The following FLT1 variants were observed in gnomAD, a reference collection of about 807,000 sequenced individuals.
The protein encoded by FLT1 is vascular endothelial growth factor receptor 1.
Under a neutral mutation model 156.3 loss-of-function variants are expected in FLT1, and 49 were observed. The observed-to-expected ratio is 0.31, with a 90% CI of 0.25 to 0.40. The LOEUF is 0.40. Among genes scored for constraint, FLT1 ranks in the 10% least tolerant of loss-of-function variants. The pLI is 1.00. For synonymous variants in FLT1, 594 were observed against 583.8 expected (o/e 1.02, Z -0.25); for missense variants, 1,322 against 1,637.2 (o/e 0.81, Z 3.32).
intron 16 of FLT1, among the ~76,000 whole-genome samples, chr13:28,340,677 C>G (rs996980085): frequency 6.6e-6 from 1 of 152,204 alleles, no homozygotes; most frequent in Non-Finnish European, 1.5e-5. Flanking sequence ...CCATTTGACA[C>G]CCACTCGCAT....
intron 3 of FLT1, among the ~76,000 whole-genome samples, chr13:28,452,478 G>A (rs1879003046): frequency 6.6e-6 from 1 of 152,172 alleles, no homozygotes; most frequent in South Asian, 2.1e-4. Flanking sequence ...GCAGAGGAAA[G>A]GTCCTGAGGC....
chr13:28,303,382 G>T lies in FLT1; in HGVS notation c.3816-14C>A. 2 of 1,611,026 alleles carry T rather than the reference G, an allele frequency of 1.2e-6. No individual in the cohort carries two copies. ...GTTACTCTCAAGCTAAAGAAAGAAAGGAAAGAAATCAAATATTCAAAATTG... is the reference window on the plus strand; with the variant it reads ...GTTACTCTCAAGCTAAAGAAAGAAATGAAAGAAATCAAATATTCAAAATTG... On this transcript the variant is annotated splice_polypyrimidine_tract_variant and intron_variant, in intron 29 of 29. Coordinates refer to ENST00000282397, the MANE Select transcript of FLT1 (RefSeq NM_002019.4).
chr13:28,422,679 C>T lies in FLT1; in HGVS notation c.1436+4480G>A, dbSNP rs147235281. Among the ~76,000 whole-genome samples the T allele has an allele frequency of 6.7e-3, 1,023 of 152,298 alleles. 10 individuals are homozygous for T. The highest frequency in any genetic ancestry group is 0.024 in the African/African-American group (981 of 41,562). Reference sequence around the variant, plus strand: ...GATCAGCAGAAGCCCCCCACCATCCCGTTTGTGGGGAACAGATGAGCGCAA... The same window carrying T: ...GATCAGCAGAAGCCCCCCACCATCCTGTTTGTGGGGAACAGATGAGCGCAA... On this transcript the variant is annotated intron_variant, in intron 10 of 29. Transcript: ENST00000282397.
At chr13:28,419,834 G>A (rs1392719493) in intron 10 of FLT1, among the ~76,000 whole-genome samples, 3 of 152,176 alleles carry the variant, frequency 2.0e-5, no homozygotes, top group East Asian at 1.9e-4. Flanking sequence ...AGCCGAGATC[G>A]TGCCACTGCA....
chr13:28,357,868 C>CTTTTTT lies in FLT1; in HGVS notation c.2117-189_2117-184dup, dbSNP rs57304530. ...CCAGGCTTTCTTTTTCTTTTCTTTC[C>CTTTTTT]TTTTTTTTTTTTTTTTTTTTTCTGC... On this transcript the variant is annotated intron_variant, in intron 14 of 29. Coordinates refer to ENST00000282397, the MANE Select transcript of FLT1 (RefSeq NM_002019.4). Among the ~76,000 whole-genome samples the CTTTTTT allele has an allele frequency of 9.7e-4, 102 of 104,720 alleles. 4 individuals are homozygous for CTTTTTT. Among genetic ancestry groups the CTTTTTT allele is most frequent in the African/African-American group, 3.0e-3 (80 of 26,966 alleles). The allele number at this position is 104,720 out of a possible 152,430, so 68.7% of individuals were successfully genotyped here.
Position 28,323,374 on chromosome 13 carries a change from G to A in FLT1, c.2797-428C>T, listed in dbSNP as rs560246907. ...CAGCTAATAAATAGCAAAGCTGGCC[G>A]GGCACAGTGGCTCACGCCTGTAATC... On this transcript the variant is annotated intron_variant, in intron 20 of 29. Coordinates refer to ENST00000282397, the MANE Select transcript of FLT1 (RefSeq NM_002019.4). 1.4e-4 allele frequency among the ~76,000 whole-genome samples: 22 copies of A among 152,248 alleles called. No homozygotes were observed. In the South Asian group the frequency reaches 2.7e-3, roughly 19 times the overall value.
Position 28,301,985 on chromosome 13 carries a change from C to A in FLT1, c.*1182G>T, listed in dbSNP as rs61763577. ...TCAGATTAGTGTGAGATAGTGGAAT[C>A]CCCATTAAATGAAAAGGAAACGTGA... On this transcript the variant is annotated 3_prime_UTR_variant, in exon 30 of 30. Transcript: ENST00000282397. The A allele has an allele frequency of 8.7e-3, 2,033 of 233,674 alleles. 43 individuals carry two copies. The highest frequency in any genetic ancestry group is 0.041 in the African/African-American group (1,884 of 45,470). 14.5% of individuals were successfully genotyped at this position (233,674 alleles called of 1,614,324 possible).
intron 15 of FLT1, among the ~76,000 whole-genome samples, chr13:28,353,502 G>A (rs901593219): frequency 6.6e-5 from 10 of 151,438 alleles, no homozygotes; most frequent in African/African-American, 2.2e-4. Context: ...GAGCTCAGGA[G>A]GCAGAGCTTG....
intron 3 of FLT1, among the ~76,000 whole-genome samples, chr13:28,458,085 C>T (rs1879367411): frequency 6.6e-6 from 1 of 151,934 alleles, no homozygotes; most frequent in African/African-American, 2.4e-5. Flanking sequence ...TACACATGCG[C>T]CATCACACCT....
chr13:28,304,826 A>G (rs1202687643), intron 29 of FLT1, among the ~76,000 whole-genome samples: 1 of 152,172 alleles, frequency 6.6e-6, no homozygotes, highest in Non-Finnish European at 1.5e-5. Context: ...ACTTAGCATA[A>G]TATTTTCAAG....
At chr13:28,449,953 C>T (rs188684289) in intron 3 of FLT1, among the ~76,000 whole-genome samples, 1 of 152,112 alleles carries the variant, frequency 6.6e-6, no homozygotes, top group Non-Finnish European at 1.5e-5. Context: ...GCCTAAGCCC[C>T]CTGGGATGCT....
intron 4 of FLT1, among the ~76,000 whole-genome samples, chr13:28,435,222 G>A (rs1000947804): frequency 2.0e-5 from 3 of 152,210 alleles, no homozygotes; most frequent in South Asian, 2.1e-4. Flanking sequence ...TGAATGAAGT[G>A]CTCTCTAATG....
chr13:28,464,613 A>G (rs536840780), intron 3 of FLT1, among the ~76,000 whole-genome samples: 2 of 152,410 alleles, frequency 1.3e-5, no homozygotes, highest in East Asian at 1.9e-4. Flanking sequence ...GGACCGTGCC[A>G]TCACAGGGCT....
chr13:28,314,271 A>G (rs1344988685), intron 25 of FLT1, among the ~76,000 whole-genome samples: 3 of 152,130 alleles, frequency 2.0e-5, no homozygotes, highest in African/African-American at 7.2e-5. Flanking sequence ...CCCTGCTGAC[A>G]CTCGTAAACG....
At chr13:28,476,157 G>A (rs1016814405) in intron 1 of FLT1, among the ~76,000 whole-genome samples, 3 of 152,024 alleles carry the variant, frequency 2.0e-5, no homozygotes, top group African/African-American at 4.8e-5. Flanking sequence ...TTGCTGACAC[G>A]CATGCATACA....
At chr13:28,418,709 G>A (rs574800591) in intron 10 of FLT1, among the ~76,000 whole-genome samples, 68 of 152,168 alleles carry the variant, frequency 4.5e-4, no homozygotes, top group Non-Finnish European at 7.6e-4. Context: ...AACCATAGGC[G>A]CATGTCACCA....
chr13:28,308,707 AC>A (rs1335973240), intron 28 of FLT1, 135 bp downstream of exon 28: 2 of 714,460 alleles, frequency 2.8e-6, no homozygotes, highest in Non-Finnish European at 5.2e-6. Flanking sequence ...AGTCCTCCCC[AC>A]ACTGTCATTT....
Position 28,384,900 on chromosome 13 carries a change from T to C in FLT1, c.2101A>G (p.Ile701Val). The C allele has an allele frequency of 6.2e-7, 1 of 1,614,092 alleles. No homozygotes were observed. The highest frequency in any genetic ancestry group is 8.5e-7 in the Non-Finnish European group (1 of 1,179,984). ...AGTCTCTTACCAGGCTCTTGTTGTATTTTGTGGTTGTTTTTAAACCAAGTG... is the reference window on the plus strand; with the variant it reads ...AGTCTCTTACCAGGCTCTTGTTGTACTTTGTGGTTGTTTTTAAACCAAGTG... ...QITWFKNNHK[I>V]QQEPGIILGP... Residue 701 changes from isoleucine (I) to valine (V), a missense_variant, in exon 14 of 30, where the codon ATA becomes GTA. By Grantham distance (29) the Ile-to-Val change is conservative. Around this residue, in one of 3 missense-constraint regions of FLT1, gnomAD observed 991 missense variants for 1,254.8 expected, o/e 0.79. Transcript: ENST00000282397.
At chr13:28,368,840 G>A (rs1431112928) in intron 14 of FLT1, among the ~76,000 whole-genome samples, 1 of 151,824 alleles carries the variant, frequency 6.6e-6, no homozygotes, top group Admixed American at 6.6e-5. Context: ...GAGTAGCTGG[G>A]ATTACAGGTG....
Sources: gnomAD v4.1 joint callset for allele counts (sites outside exome capture counted in the v4.1 genomes callset) on GRCh38, gnomAD v4.1.1 for gene constraint, gnomAD v4.1.1 regional missense constraint, MANE v1.5 for transcripts, NCBI Gene and HGNC (gene_info 2026-07-23, HGNC 2026-07-21) for gene names.